Variants in MEF2D observed in about 807,000 individuals in gnomAD.
MEF2D encodes the protein myocyte enhancer factor 2D.
A neutral mutation model predicts 59.3 loss-of-function variants in MEF2D; 10 were observed. The observed-to-expected ratio is 0.17, with a 90% CI of 0.10 to 0.29. MEF2D has a LOEUF of 0.29. Ranked by LOEUF, MEF2D falls within the 10% of genes least tolerant of loss-of-function variation. MEF2D has a pLI of 1.00. For synonymous variants in MEF2D, 305 were observed against 295.0 expected, an observed-to-expected ratio of 1.03 and a Z score of -0.35; for missense variants, 508 against 699.4, an observed-to-expected ratio of 0.73 and a Z score of 3.09.
intron 9 of MEF2D, among the ~76,000 whole-genome samples, chr1:156,470,712 G>C (rs1671184698): frequency 6.6e-6 from 1 of 152,186 alleles, no homozygotes; most frequent in Admixed American, 6.5e-5. Flanking sequence ...CTATAAACTG[G>C]AGGTAATAAT....
At chr1:156,493,629 C>T (rs1048536770) in intron 1 of MEF2D, among the ~76,000 whole-genome samples, 1 of 152,186 alleles carries the variant, frequency 6.6e-6, no homozygotes, top group African/African-American at 2.4e-5. Flanking sequence ...TCGCCAAATC[C>T]GTGCTCCTTA....
At chr1:156,493,528 G>A (rs1395080895) in intron 1 of MEF2D, among the ~76,000 whole-genome samples, 2 of 151,878 alleles carry the variant, frequency 1.3e-5, no homozygotes, top group African/African-American at 4.8e-5. Flanking sequence ...AAAGGTGCCA[G>A]GTGAGGCTAA....
At chr1:156,498,148 A>G (rs994718075) in intron 1 of MEF2D, among the ~76,000 whole-genome samples, 4 of 149,674 alleles carry the variant, frequency 2.7e-5, no homozygotes, top group African/African-American at 9.9e-5. Context: ...GAGAGATTAT[A>G]TAACAGCAGC....
chr1:156,476,845 AGGCCCTCTGG>A (rs1195552013), intron 7 of MEF2D, 157 bp downstream of exon 7: 1 of 802,114 alleles, frequency 1.2e-6, no homozygotes, highest in East Asian at 2.7e-5. Context: ...ACCTCTTAAA[AGGCCCTCTGG>A]GAAGAAAAAT....
chr1:156,494,180 C>T (rs1168110066), intron 1 of MEF2D, among the ~76,000 whole-genome samples: 2 of 152,072 alleles, frequency 1.3e-5, no homozygotes, highest in Admixed American at 1.3e-4. Context: ...TGAGGTCATC[C>T]CTCAAACCCC....
chr1:156,483,208 C>G, intron 2 of MEF2D, 31 bp downstream of exon 2: 1 of 1,613,202 alleles, frequency 6.2e-7, no homozygotes, highest in Non-Finnish European at 8.5e-7. Context: ...CCTGCCCTCA[C>G]CCACTTCGTA....
intron 1 of MEF2D, among the ~76,000 whole-genome samples, chr1:156,498,537 T>TA (rs1246389608): frequency 1.3e-5 from 2 of 151,832 alleles, no homozygotes; most frequent in East Asian, 1.9e-4. Flanking sequence ...TGATCTCAGG[T>TA]AAAAAACTCA....
At position 156,464,992 on chromosome 1, in the gene MEF2D, T is replaced by C. The variant is rs909821619; in HGVS notation, c.*2653A>G. 17 of 152,394 alleles carry C rather than the reference T, an allele frequency of 1.1e-4. No homozygotes were observed. Among genetic ancestry groups the C allele is most frequent in the Admixed American group, 7.8e-4 (12 of 15,298 alleles). The allele number at this position is 152,394 out of a possible 1,614,324, so 9.4% of individuals were successfully genotyped here. Reference sequence around the variant, plus strand: ...CAACTATTCACCCATTCAGCATTTATTGAGTGCCTACTATGTGCCAGGCAC... The same window carrying C: ...CAACTATTCACCCATTCAGCATTTACTGAGTGCCTACTATGTGCCAGGCAC... On this transcript the variant is annotated 3_prime_UTR_variant, in exon 12 of 12. Transcript: ENST00000348159.
At chr1:156,482,763 G>C in intron 2 of MEF2D, 123 bp from the exon 3 acceptor site, 10 of 884,334 alleles carry the variant, frequency 1.1e-5, no homozygotes, top group Non-Finnish European at 1.8e-5. Flanking sequence ...GTGTGACACA[G>C]CCCCTGGTCT....
chr1:156,483,345 G>T lies in MEF2D; in HGVS notation c.-53C>A. ...AGGGGAGGGGCTCGCTGGGTGGTGG[G>T]TCTCGGCACACCTTACACTGTGCTC... On this transcript the variant is annotated 5_prime_UTR_variant, in exon 2 of 12. Transcript: ENST00000348159. 6.5e-7 allele frequency: 1 copy of T among 1,531,588 alleles called. No homozygotes were observed. The highest frequency in any genetic ancestry group is 9.1e-7 in the Non-Finnish European group (1 of 1,104,844). The allele number at this position is 1,531,588 out of a possible 1,614,324, so 94.9% of individuals were successfully genotyped here.
chr1:156,469,179 G>C (rs566125599), intron 9 of MEF2D, among the ~76,000 whole-genome samples, 159 bp from the exon 10 acceptor site: 6 of 152,290 alleles, frequency 3.9e-5, no homozygotes, highest in African/African-American at 1.4e-4. Flanking sequence ...CAGTGAAGAC[G>C]GTACTCAGAG....
In MEF2D at chr1:156,477,124, G is replaced by A. The variant is rs1203939209; in HGVS notation, c.743C>T (p.Pro248Leu). ...ANGNSLNKVI[P>L]AKSPPPPTHS... Reference sequence around the variant, plus strand: ...GGTAGGTGGGGGTGGAGACTTGGCAGGGATGACCTTGTTTAGGCTGTTGCC... The same window carrying A: ...GGTAGGTGGGGGTGGAGACTTGGCAAGGATGACCTTGTTTAGGCTGTTGCC... The change falls in exon 7 of 12, where the codon CCT (proline) becomes CTT (leucine). Residue 248 changes from proline to leucine, a missense_variant. Physicochemically the swap from Pro to Leu is moderately conservative, Grantham distance 98. This residue lies in a region of MEF2D where 481 missense variants were observed against 584.7 expected (regional missense o/e 0.82). Transcript: ENST00000348159. 6.2e-7 allele frequency: 1 copy of A among 1,613,914 alleles called. No homozygotes were observed. Among genetic ancestry groups the A allele is most frequent in the Non-Finnish European group, 8.5e-7 (1 of 1,179,984 alleles).
intron 3 of MEF2D, 119 bp from the exon 4 acceptor site, chr1:156,481,090 C>T (rs556327541): frequency 7.2e-7 from 1 of 1,380,714 alleles, no homozygotes; most frequent in East Asian, 2.3e-5. Context: ...CTTCAGGGTT[C>T]CCAGCATCTC....
intron 6 of MEF2D, 125 bp downstream of exon 6, chr1:156,479,165 T>A (rs1227701786): frequency 1.1e-5 from 8 of 709,542 alleles, no homozygotes; most frequent in African/African-American, 1.9e-5. Context: ...GACTGACTCT[T>A]CATCCAGTCC....
At chr1:156,489,096 G>A (rs1217519052) in intron 1 of MEF2D, among the ~76,000 whole-genome samples, 1 of 152,196 alleles carries the variant, frequency 6.6e-6, no homozygotes, top group African/African-American at 2.4e-5. Context: ...CAGAGCAGTG[G>A]GCCTCAACCT....
intron 1 of MEF2D, among the ~76,000 whole-genome samples, chr1:156,488,752 G>A (rs1672543677): frequency 6.6e-6 from 1 of 152,194 alleles, no homozygotes; most frequent in South Asian, 2.1e-4. Flanking sequence ...CAGTTCCTGT[G>A]TGAAGGTGGC....
chr1:156,466,727 C>T lies in MEF2D; in HGVS notation c.*918G>A, dbSNP rs1459712100. 1 of 152,858 alleles carries T rather than the reference C, an allele frequency of 6.5e-6. No individual in the cohort carries two copies. The highest frequency in any genetic ancestry group is 6.5e-5 in the Admixed American group (1 of 15,294). The allele number at this position is 152,858 out of a possible 1,614,324, so 9.5% of individuals were successfully genotyped here. A position where few individuals can be genotyped will look rare whatever the true frequency, so the allele number is the denominator to read the frequency against. ...ACTGAAGACCCTCTCCCCATTCTCC[C>T]TGCACACTGTGGCCAGCTTTACAGG... On this transcript the variant is annotated 3_prime_UTR_variant, in exon 12 of 12. Transcript: ENST00000348159.
Position 156,477,115 on chromosome 1 carries a change from G to T in MEF2D, c.752C>A (p.Ser251Tyr). 1 of 1,614,028 alleles carries T rather than the reference G, an allele frequency of 6.2e-7. No homozygotes were observed. Among genetic ancestry groups the T allele is most frequent in the Non-Finnish European group, 8.5e-7 (1 of 1,179,950 alleles). The change falls in exon 7 of 12, where the codon TCT becomes TAT. Residue 251 changes from serine (S) to tyrosine (Y), a missense_variant. Transcript: ENST00000348159. ...NSLNKVIPAK[S>Y]PPPPTHSTQL... ...GGTGCTGTGGGTAGGTGGGGGTGGA[G>T]ACTTGGCAGGGATGACCTTGTTTAG... is the stretch of plus-strand genomic sequence containing the variant.
At chr1:156,500,064 A>AGGAGGGAGAG (rs1365605248) in intron 1 of MEF2D, among the ~76,000 whole-genome samples, 3 of 152,036 alleles carry the variant, frequency 2.0e-5, no homozygotes, top group Admixed American at 6.5e-5. Context: ...AGGCGGCGAG[A>AGGAGGGAGAG]GGAGGGAGAG....
Sources: allele counts gnomAD v4.1 joint callset (sites outside exome capture counted in the v4.1 genomes callset), GRCh38; gene constraint gnomAD v4.1.1; regional missense constraint gnomAD v4.1.1; transcripts MANE v1.5; gene names NCBI Gene and HGNC (gene_info 2026-07-23, HGNC 2026-07-21).